PGGT1B: variants seen among roughly 807,000 people sequenced by gnomAD.
PGGT1B encodes geranylgeranyl transferase type-1 subunit beta.
In PGGT1B, 30 loss-of-function variants were observed where a neutral mutation model predicts 46.1. The observed-to-expected ratio is 0.65, with a 90% CI of 0.49 to 0.88. PGGT1B has a LOEUF of 0.88. Ranked by LOEUF, PGGT1B falls within the 40% of genes least tolerant of loss-of-function variation. PGGT1B has a pLI of 0.00. For missense variants in PGGT1B, 376 were observed against 455.9 expected (o/e 0.82, Z 1.60); for synonymous variants, 170 against 160.0 (o/e 1.06, Z -0.47).
chr5:115,257,514 T>C (rs375289905), intron 1 of PGGT1B, among the ~76,000 whole-genome samples: 10 of 40,644 alleles, frequency 2.5e-4, no homozygotes, highest in African/African-American at 1.0e-3. Flanking sequence ...TGGGCAACAA[T>C]AGCAAAACTC....
rs1580737751 is a variant in PGGT1B at position 115,210,600 on chromosome 5, A to T, written c.*1802T>A. On this transcript the variant is annotated 3_prime_UTR_variant, in exon 9 of 9. Transcript: ENST00000419445. ...CCTTATGAAATACTTTTAGATTGGAATTTTTCTCTAACATTTATGAATAAA... is the reference window on the plus strand; with the variant it reads ...CCTTATGAAATACTTTTAGATTGGATTTTTTCTCTAACATTTATGAATAAA... 6.6e-6 allele frequency: 1 copy of T among 152,026 alleles called. No homozygotes were observed. The highest frequency in any genetic ancestry group is 2.4e-5 in the African/African-American group (1 of 41,424). The allele number at this position is 152,026 out of a possible 1,614,324, so 9.4% of individuals were successfully genotyped here. A position where few individuals can be genotyped will look rare whatever the true frequency, so the allele number is the denominator to read the frequency against.
Position 115,212,374 on chromosome 5 carries a change from T to TGGGG in PGGT1B, c.*27_*28insCCCC. 6.4e-7 allele frequency: 1 copy of TGGGG among 1,554,746 alleles called. No homozygotes were observed. The highest frequency in any genetic ancestry group is 8.8e-7 in the Non-Finnish European group (1 of 1,131,920). On this transcript the variant is annotated 3_prime_UTR_variant, in exon 9 of 9. Transcript: ENST00000419445. ...ACTTGAGCTACAGTTATGCTACAAA[T>TGGGG]CCCCCCACCCTCCCAATCTAAAATC...
At chr5:115,246,554 C>T (rs183131845) in intron 2 of PGGT1B, among the ~76,000 whole-genome samples, 1 of 152,086 alleles carries the variant, frequency 6.6e-6, no homozygotes, top group Non-Finnish European at 1.5e-5. Context: ...GTATAAATTT[C>T]TTTCCAGGTT....
rs1756165632 is a variant in PGGT1B, at chr5:115,209,664, GTCA to G, written c.*2735_*2737del. 6.6e-6 allele frequency: 1 copy of G among 152,092 alleles called. No homozygotes were observed. The highest frequency in any genetic ancestry group is 2.1e-4 in the South Asian group (1 of 4,828). The allele number at this position is 152,092 out of a possible 1,614,324, so 9.4% of individuals were successfully genotyped here. On this transcript the variant is annotated 3_prime_UTR_variant, in exon 9 of 9. Coordinates refer to ENST00000419445, the MANE Select transcript of PGGT1B (RefSeq NM_005023.4). The stretch of plus-strand genomic sequence containing the variant: ...GGGGAGATTAGAAAACAACACTGTT[GTCA>G]TCATTTTCCCTGAGGTTAAACTGTT...
chr5:115,227,150 A>G (rs925846310), intron 6 of PGGT1B, among the ~76,000 whole-genome samples: 3 of 152,130 alleles, frequency 2.0e-5, no homozygotes, highest in African/African-American at 7.2e-5. Context: ...TGTAGGCAGG[A>G]TGAGATTACT....
intron 2 of PGGT1B, among the ~76,000 whole-genome samples, chr5:115,250,850 ATTTTG>A (rs1193128337): frequency 2.0e-5 from 3 of 152,148 alleles, no homozygotes; most frequent in Non-Finnish European, 2.9e-5. Flanking sequence ...CTATTTTTGT[ATTTTG>A]TAAAAATGGA....
chr5:115,216,021 A>C (rs1756406424), intron 8 of PGGT1B, among the ~76,000 whole-genome samples: 1 of 152,210 alleles, frequency 6.6e-6, no homozygotes. Flanking sequence ...GAGAGGAGCC[A>C]AATTTTGGAA....
intron 5 of PGGT1B, among the ~76,000 whole-genome samples, chr5:115,235,199 A>G (rs115316300): frequency 8.5e-5 from 13 of 152,254 alleles, no homozygotes; most frequent in African/African-American, 3.1e-4. Flanking sequence ...TCTGAGCATC[A>G]AAATAATGAC....
intron 8 of PGGT1B, among the ~76,000 whole-genome samples, chr5:115,213,778 A>C (rs1580740745): frequency 2.0e-5 from 3 of 152,178 alleles, no homozygotes; most frequent in Non-Finnish European, 4.4e-5. Context: ...TCTCAAAACA[A>C]CAACAACAAA....
At chr5:115,227,106 T>G (rs1756812906) in intron 6 of PGGT1B, among the ~76,000 whole-genome samples, 1 of 152,070 alleles carries the variant, frequency 6.6e-6, no homozygotes, top group African/African-American at 2.4e-5. Context: ...TAGACTGGAA[T>G]CAGATTACAG....
chr5:115,213,850 A>G (rs1422108117), intron 8 of PGGT1B, among the ~76,000 whole-genome samples: 3 of 152,222 alleles, frequency 2.0e-5, no homozygotes, highest in African/African-American at 7.2e-5. Flanking sequence ...AGCTTTACTT[A>G]CAACAGTATC....
intron 6 of PGGT1B, among the ~76,000 whole-genome samples, chr5:115,226,760 G>A (rs1444240835): frequency 2.0e-5 from 3 of 151,922 alleles, no homozygotes; most frequent in Non-Finnish European, 4.4e-5. Context: ...AAGATAAACA[G>A]AGGTAAGTAC....
intron 2 of PGGT1B, among the ~76,000 whole-genome samples, chr5:115,249,122 TC>T (rs1747978685): frequency 6.6e-6 from 1 of 151,782 alleles, no homozygotes; most frequent in Non-Finnish European, 1.5e-5. Flanking sequence ...TATCTTGCCA[TC>T]CCCCCACCTC....
At position 115,239,800 on chromosome 5, in the gene PGGT1B, C is replaced by T. The variant is rs1363236; in HGVS notation, c.327+1739G>A. Reference sequence around the variant, plus strand: ...TCTGGGGTGCACATTAAGGACAACACAAAATTTGCTAGAGAGCATGGGATT... The same window carrying T: ...TCTGGGGTGCACATTAAGGACAACATAAAATTTGCTAGAGAGCATGGGATT... On this transcript the variant is annotated intron_variant, in intron 3 of 8. Coordinates refer to ENST00000419445, the MANE Select transcript of PGGT1B (RefSeq NM_005023.4). 3.3e-5 allele frequency among the ~76,000 whole-genome samples: 5 copies of T among 152,158 alleles called. No homozygotes were observed. The East Asian group carries it at 5.8e-4, about 18-fold the overall frequency.
chr5:115,259,007 T>C (rs1428062159), intron 1 of PGGT1B, among the ~76,000 whole-genome samples: 1 of 152,168 alleles, frequency 6.6e-6, no homozygotes, highest in Admixed American at 6.5e-5. Context: ...TAAAACACCA[T>C]ACAGACACTC....
chr5:115,222,004 T>A lies in PGGT1B; in HGVS notation c.663A>T (p.Gly221=). The A allele has an allele frequency of 1.3e-6, 2 of 1,558,240 alleles. No homozygotes were observed. Among genetic ancestry groups the A allele is most frequent in the Non-Finnish European group, 1.7e-6 (2 of 1,155,536 alleles). The stretch of plus-strand genomic sequence containing the variant: ...GTGAGGCAATGCCACAAAAAGTTGA[T>A]CCTCCTGTTAATCAAAACCACACAA... ...AQGAGLESHG[G]STFCGIASLC... Residue 221 remains glycine, a synonymous_variant, in exon 7 of 9, where the codon GGA becomes GGT. Transcript: ENST00000419445.
intron 5 of PGGT1B, among the ~76,000 whole-genome samples, chr5:115,235,183 G>A (rs1466568809): frequency 6.6e-6 from 1 of 151,950 alleles, no homozygotes; most frequent in African/African-American, 2.4e-5. Flanking sequence ...GCCTAATCTA[G>A]GACAATCTGA....
chr5:115,239,046 A>AT (rs931956283), intron 3 of PGGT1B, among the ~76,000 whole-genome samples: 95 of 146,418 alleles, frequency 6.5e-4, no homozygotes, highest in Middle Eastern at 3.6e-3. Context: ...TTAGATACAC[A>AT]TTTTTTTTTT....
chr5:115,230,471 C>T (rs975984898), intron 6 of PGGT1B, among the ~76,000 whole-genome samples: 3 of 151,688 alleles, frequency 2.0e-5, no homozygotes, highest in Non-Finnish European at 2.9e-5. Flanking sequence ...TCTAGTTCTG[C>T]CAAAGTGGAA....
Sources: allele counts gnomAD v4.1 joint callset (sites outside exome capture counted in the v4.1 genomes callset), GRCh38; gene constraint gnomAD v4.1.1; transcripts MANE v1.5; gene names NCBI Gene and HGNC (gene_info 2026-07-23, HGNC 2026-07-21).